The following RXRA variants were observed in gnomAD, a reference collection of about 807,000 sequenced individuals.
The protein encoded by RXRA is retinoic acid receptor RXR-alpha.
RXRA carries 5 observed loss-of-function variants against 44.5 expected under a neutral mutation model. That is an observed-to-expected ratio of 0.11 (90% CI 0.06 to 0.24). The LOEUF (loss-of-function observed/expected upper bound fraction) is 0.24, where lower values mean the gene tolerates loss of function less well. Ranked by LOEUF, RXRA falls within the 10% of genes least tolerant of loss-of-function variation. The pLI is 1.00. For synonymous variants in RXRA, 291 were observed against 271.4 expected, an observed-to-expected ratio of 1.07 and a Z score of -0.71; for missense variants, 412 against 646.5, an observed-to-expected ratio of 0.64 and a Z score of 3.93.
At chr9:134,337,037 G>A (rs1830017759) in intron 1 of RXRA, among the ~76,000 whole-genome samples, 1 of 152,154 alleles carries the variant, frequency 6.6e-6, no homozygotes, top group African/African-American at 2.4e-5. Flanking sequence ...TTAAGGCTGG[G>A]GGGTGCCCCT....
At chr9:134,332,451 C>T (rs926997651) in intron 1 of RXRA, among the ~76,000 whole-genome samples, 2 of 151,944 alleles carry the variant, frequency 1.3e-5, no homozygotes, top group Non-Finnish European at 2.9e-5. Context: ...GCGGGGATTG[C>T]TGGTGGGCTT....
At chr9:134,351,258 G>A (rs1554749418) in intron 1 of RXRA, among the ~76,000 whole-genome samples, 1 of 152,232 alleles carries the variant, frequency 6.6e-6, no homozygotes, top group Non-Finnish European at 1.5e-5. Flanking sequence ...GGCCTTGGGC[G>A]AGTGCCTGGC....
chr9:134,428,928 T>C (rs1158016819), intron 6 of RXRA, among the ~76,000 whole-genome samples, 180 bp from the exon 7 acceptor site: 1 of 152,210 alleles, frequency 6.6e-6, no homozygotes, highest in Non-Finnish European at 1.5e-5. Flanking sequence ...CGGTGTGTAC[T>C]GTAGAACGGG....
chr9:134,374,190 G>A (rs1182289266), intron 1 of RXRA: 1 of 152,280 alleles, frequency 6.6e-6, no homozygotes, highest in African/African-American at 2.4e-5. Flanking sequence ...GGTTGAGTCA[G>A]ATGCCCAAGG....
Position 134,428,605 on chromosome 9 carries a change from T to A in RXRA, c.911-503T>A, listed in dbSNP as rs180909194. ...CCCCACTATGTTGAGGGGCTGCTGT[T>A]ACCTAACCTTCCCCCCTGGGAATCC... On this transcript the variant is annotated intron_variant, in intron 6 of 9. Transcript: ENST00000481739. 9.2e-4 allele frequency among the ~76,000 whole-genome samples: 140 copies of A among 152,016 alleles called. 3 individuals carry two copies. In the East Asian group the frequency reaches 0.023, roughly 25 times the overall value.
chr9:134,348,226 G>A (rs1830178358), intron 1 of RXRA, among the ~76,000 whole-genome samples: 1 of 152,216 alleles, frequency 6.6e-6, no homozygotes, highest in Non-Finnish European at 1.5e-5. Context: ...TGCATTGAAT[G>A]CCAGAGCTCT....
At chr9:134,341,792 C>A (rs1830089427) in intron 1 of RXRA, among the ~76,000 whole-genome samples, 1 of 152,218 alleles carries the variant, frequency 6.6e-6, no homozygotes, top group African/African-American at 2.4e-5. Flanking sequence ...TGTTGCCACC[C>A]CTCCTCTGGG....
rs566951891 is a variant in RXRA, at chr9:134,421,896, C to A, written c.910+91C>A. 6.5e-6 allele frequency: 10 copies of A among 1,547,466 alleles called. No individual in the cohort carries two copies. The Admixed American group carries it at 1.9e-4, about 30-fold the overall frequency. On this transcript the variant is annotated intron_variant, in intron 6 of 9. Coordinates refer to ENST00000481739, the MANE Select transcript of RXRA (RefSeq NM_002957.6). ...CCCCTCCCGGGATACTCCGCACTCC[C>A]GGGACACTCCCCTGTCCTGGGACAC...
intron 1 of RXRA, among the ~76,000 whole-genome samples, chr9:134,376,565 C>T (rs1186612778): frequency 6.6e-6 from 1 of 152,290 alleles, no homozygotes; most frequent in Non-Finnish European, 1.5e-5. Context: ...TCGGCCAGGG[C>T]GACCTTTGTG....
At chr9:134,355,471 C>A (rs558458922) in intron 1 of RXRA, among the ~76,000 whole-genome samples, 11 of 133,960 alleles carry the variant, frequency 8.2e-5, no homozygotes, top group Non-Finnish European at 1.6e-4. Flanking sequence ...CAGTCAGCGC[C>A]GGGAACTGCT....
intron 1 of RXRA, among the ~76,000 whole-genome samples, chr9:134,378,173 G>C (rs1332144402): frequency 1.3e-5 from 2 of 152,248 alleles, no homozygotes; most frequent in Non-Finnish European, 2.9e-5. Flanking sequence ...GCACAGGCAA[G>C]GCACAGAGCT....
At chr9:134,414,941 A>G (rs1466677648) in intron 4 of RXRA, among the ~76,000 whole-genome samples, 5 of 152,150 alleles carry the variant, frequency 3.3e-5, no homozygotes, top group Admixed American at 6.5e-5. Context: ...TGGAGGGCTC[A>G]TGGAAGTCCC....
intron 1 of RXRA, among the ~76,000 whole-genome samples, chr9:134,357,432 G>A (rs529123227): frequency 3.3e-4 from 50 of 152,304 alleles, no homozygotes; most frequent in African/African-American, 1.1e-3. Context: ...GAAGTCAGGC[G>A]CTTTGTGGGC....
intron 1 of RXRA, among the ~76,000 whole-genome samples, chr9:134,335,757 G>A (rs1257264198): frequency 2.0e-5 from 3 of 152,120 alleles, no homozygotes; most frequent in African/African-American, 7.2e-5. Context: ...GCCCATGTGC[G>A]GTACCCCACC....
chr9:134,330,070 G>A (rs2119006092), intron 1 of RXRA, among the ~76,000 whole-genome samples: 3 of 152,336 alleles, frequency 2.0e-5, no homozygotes, highest in Non-Finnish European at 4.4e-5. Context: ...TTTCTTGGGT[G>A]ACGTTTGGTT....
At chr9:134,420,818 C>T (rs1454634120) in intron 5 of RXRA, among the ~76,000 whole-genome samples, 1 of 152,252 alleles carries the variant, frequency 6.6e-6, no homozygotes, top group Non-Finnish European at 1.5e-5. Flanking sequence ...GGCCTCCCCT[C>T]CTGCCCTGTT....
chr9:134,408,013 G>A (rs868316919), intron 2 of RXRA, 136 bp from the exon 3 acceptor site: 2 of 622,842 alleles, frequency 3.2e-6, no homozygotes, highest in Middle Eastern at 6.2e-4. Flanking sequence ...GCGGGTGGGG[G>A]GCACGGCCCT....
At chr9:134,393,411 C>T (rs561727081) in intron 1 of RXRA, among the ~76,000 whole-genome samples, 1 of 152,224 alleles carries the variant, frequency 6.6e-6, no homozygotes, top group African/African-American at 2.4e-5. Context: ...GGGCTGTTTC[C>T]TCTTCTGAAC....
intron 1 of RXRA, among the ~76,000 whole-genome samples, chr9:134,328,917 G>A (rs1173334120): frequency 1.3e-5 from 2 of 152,212 alleles, no homozygotes; most frequent in Non-Finnish European, 2.9e-5. Context: ...GTGAGGGCAG[G>A]GATGAGTGCA....
Sources: gnomAD v4.1 joint callset for allele counts (sites outside exome capture counted in the v4.1 genomes callset) on GRCh38, gnomAD v4.1.1 for gene constraint, MANE v1.5 for transcripts, NCBI Gene and HGNC (gene_info 2026-07-23, HGNC 2026-07-21) for gene names.